CYP2J2: variants seen among roughly 807,000 people sequenced by gnomAD.
The protein encoded by CYP2J2 is cytochrome P450 2J2.
CYP2J2 carries 41 observed loss-of-function variants against 48.8 expected under a neutral mutation model. That is an observed-to-expected ratio of 0.84 (90% confidence interval 0.66 to 1.09). The LOEUF (loss-of-function observed/expected upper bound fraction) is 1.09. Among genes scored for constraint, CYP2J2 ranks in the 50% least tolerant of loss-of-function variants. The pLI is 0.00. For missense variants in CYP2J2, 644 were observed against 617.3 expected (o/e 1.04, Z -0.46); for synonymous variants, 221 against 227.1 (o/e 0.97, Z 0.24).
At chr1:59,910,371 C>A (rs374676819) in intron 4 of CYP2J2, among the ~76,000 whole-genome samples, 55 of 152,044 alleles carry the variant, frequency 3.6e-4, no homozygotes, top group African/African-American at 1.2e-3. Context: ...GTAATTTGCT[C>A]CAAAATAATT....
At chr1:59,956,187 A>G in the CYP2J2 span, among the ~76,000 whole-genome samples, 2 of 152,156 alleles carry the variant, frequency 1.3e-5, no homozygotes, top group African/African-American at 4.8e-5. Flanking sequence ...GAAAATGGGT[A>G]AAGAGTATCT....
chr1:59,916,004 G>A lies in CYP2J2; in HGVS notation c.307C>T (p.His103Tyr). The A allele has an allele frequency of 1.2e-6, 2 of 1,613,992 alleles. No individual in the cohort carries two copies. The highest frequency in any genetic ancestry group is 1.7e-6 in the Non-Finnish European group (2 of 1,179,918). ...CGGTTCCCAAAGTTTTGGTCCATGT[G>A]GATAAGGGCTTCTTTGATTAAGGGC... is the stretch of plus-strand genomic sequence containing the variant. Reference protein sequence around the residue: ...GLPLIKEALIHMDQNFGNRPV... With the variant: ...GLPLIKEALIYMDQNFGNRPV... Residue 103 changes from histidine (H) to tyrosine (Y), a missense_variant, in exon 2 of 9, where the codon CAC becomes TAC. Physicochemically the swap from His to Tyr is moderately conservative, Grantham distance 83. Coordinates refer to ENST00000371204, the MANE Select transcript of CYP2J2 (RefSeq NM_000775.4).
chr1:59,961,847 A>C, the CYP2J2 span, among the ~76,000 whole-genome samples: 1 of 152,180 alleles, frequency 6.6e-6, no homozygotes, highest in Non-Finnish European at 1.5e-5. Flanking sequence ...ATGCTGCAAA[A>C]TAAATAAACC....
intron 8 of CYP2J2, among the ~76,000 whole-genome samples, chr1:59,898,813 T>G (rs895823814): frequency 1.3e-5 from 2 of 152,238 alleles, no homozygotes; most frequent in African/African-American, 4.8e-5. Context: ...TATTAATAAC[T>G]GGGCTGTTGT....
At chr1:59,935,019 T>TATATATATATATATATATATATATATAC in the CYP2J2 span, among the ~76,000 whole-genome samples, 39 of 41,910 alleles carry the variant, frequency 9.3e-4, 2 homozygotes, top group Non-Finnish European at 1.6e-3. Context: ...TATATACATA[T>TATATATATATATATATATATATATATAC]ATATATATAT....
In CYP2J2 at chr1:59,904,909, T is replaced by C; in HGVS notation, c.1153A>G (p.Thr385Ala). 2 of 1,613,894 alleles carry C rather than the reference T, an allele frequency of 1.2e-6. No individual in the cohort carries two copies. Among genetic ancestry groups the C allele is most frequent in the South Asian group, 2.2e-5 (2 of 91,028 alleles). The change falls in exon 7 of 9, where the codon ACA becomes GCA. Residue 385 changes from threonine (T) to alanine (A), a missense_variant. Physicochemically the swap from Thr to Ala is moderately conservative, Grantham distance 58. Coordinates refer to ENST00000371204, the MANE Select transcript of CYP2J2 (RefSeq NM_000775.4). The stretch of plus-strand genomic sequence containing the variant: ...TACCCAGCCAAAGTGGTATCAACTG[T>C]CACTTCCCTGGGAACGTTCAGGGGG... ...IIPLNVPREV[T>A]VDTTLAGYHL... is the part of the protein sequence containing the mutation.
At chr1:59,953,126 T>C in the CYP2J2 span, among the ~76,000 whole-genome samples, 3 of 152,168 alleles carry the variant, frequency 2.0e-5, no homozygotes, top group Admixed American at 1.3e-4. Context: ...CAAAAGGTCA[T>C]AGGCGAGGAA....
At chr1:59,947,835 T>A in the CYP2J2 span, among the ~76,000 whole-genome samples, 1 of 152,214 alleles carries the variant, frequency 6.6e-6, no homozygotes, top group Non-Finnish European at 1.5e-5. Context: ...TCTGCATGTA[T>A]AATCTTGTGG....
chr1:59,912,295 A>G lies in CYP2J2; in HGVS notation c.390T>C (p.Ser130=). The change falls in exon 3 of 9, where the codon AGT becomes AGC. Residue 130 remains serine (S), a synonymous_variant. Coordinates refer to ENST00000371204, the MANE Select transcript of CYP2J2 (RefSeq NM_000775.4). The part of the protein sequence containing the change: ...IFKKNGLIMS[S]GQAWKEQRRF... ...TTCTTTGCTCCTTCCATGCCTGGCC[A>G]CTTGACATAATCAATCCTGGGAAAA... The G allele has an allele frequency of 1.9e-6, 3 of 1,613,210 alleles. 1 individual carries two copies. Among genetic ancestry groups the G allele is most frequent in the South Asian group, 2.2e-5 (2 of 90,844 alleles).
intron 6 of CYP2J2, 77 bp downstream of exon 6, chr1:59,907,709 C>T: frequency 6.6e-7 from 1 of 1,514,056 alleles, no homozygotes; most frequent in South Asian, 1.2e-5. Flanking sequence ...ATGCTATCTT[C>T]TGGCCCCGAC....
chr1:59,913,506 A>G (rs1173570919), intron 2 of CYP2J2, among the ~76,000 whole-genome samples: 1 of 152,170 alleles, frequency 6.6e-6, no homozygotes, highest in Non-Finnish European at 1.5e-5. Context: ...CCCATGCCCA[A>G]CTAAACCAAA....
At chr1:59,948,021 A>G in the CYP2J2 span, among the ~76,000 whole-genome samples, 1 of 152,146 alleles carries the variant, frequency 6.6e-6, no homozygotes, top group South Asian at 2.1e-4. Context: ...GATTAGGTGG[A>G]TTTGCATTTG....
At chr1:59,953,567 T>C in the CYP2J2 span, among the ~76,000 whole-genome samples, 1 of 152,026 alleles carries the variant, frequency 6.6e-6, no homozygotes, top group Non-Finnish European at 1.5e-5. Context: ...TTTTCCTGCA[T>C]GCTTTTAAGT....
intron 7 of CYP2J2, chr1:59,904,568 G>C: frequency 3.7e-6 from 1 of 270,658 alleles, no homozygotes; most frequent in South Asian, 6.6e-5. Context: ...TAGAACTGCT[G>C]CCTGCCACGT....
intron 6 of CYP2J2, 60 bp downstream of exon 6, chr1:59,907,726 C>G: frequency 6.3e-7 from 1 of 1,583,200 alleles, no homozygotes; most frequent in Non-Finnish European, 8.6e-7. Context: ...CGACTTCAGG[C>G]AGCACATCCC....
chr1:59,952,307 C>CTT, the CYP2J2 span, among the ~76,000 whole-genome samples: 808 of 140,042 alleles, frequency 5.8e-3, 5 homozygotes, highest in African/African-American at 0.015. Flanking sequence ...TATGCGTATG[C>CTT]TTTTTTTTTT....
chr1:59,896,666 G>A (rs1253179938), intron 8 of CYP2J2, among the ~76,000 whole-genome samples: 1 of 151,654 alleles, frequency 6.6e-6, no homozygotes, highest in Non-Finnish European at 1.5e-5. Context: ...CACCCCACCT[G>A]GGCTACATTA....
chr1:59,969,021 C>T, the CYP2J2 span, among the ~76,000 whole-genome samples: 1 of 152,034 alleles, frequency 6.6e-6, no homozygotes, highest in Admixed American at 6.6e-5. Context: ...GCTCTTAAGG[C>T]AGTGCGTCTG....
the CYP2J2 span, among the ~76,000 whole-genome samples, chr1:59,948,052 T>A: frequency 6.6e-6 from 1 of 152,178 alleles, no homozygotes; most frequent in Non-Finnish European, 1.5e-5. Flanking sequence ...TGCACAGGAT[T>A]CTCTGTCAGG....
Sources: gnomAD v4.1 joint callset for allele counts (sites outside exome capture counted in the v4.1 genomes callset) on GRCh38, gnomAD v4.1.1 for gene constraint, MANE v1.5 for transcripts, NCBI Gene and HGNC (gene_info 2026-07-23, HGNC 2026-07-21) for gene names.